COL10A1: variants seen among roughly 807,000 people sequenced by gnomAD.
The protein encoded by COL10A1 is collagen alpha-1(X) chain.
COL10A1 carries 10 observed loss-of-function variants against 18.2 expected under a neutral mutation model. That is an observed-to-expected ratio of 0.55 (90% CI 0.34 to 0.93). The LOEUF (loss-of-function observed/expected upper bound fraction) is 0.93, where lower values mean the gene tolerates loss of function less well. Ranked by LOEUF, COL10A1 falls within the 40% of genes least tolerant of loss-of-function variation. The pLI, the probability that COL10A1 is intolerant of heterozygous loss-of-function variation, is 0.02. For synonymous variants in COL10A1, 330 were observed against 316.6 expected (o/e 1.04, Z -0.45); for missense variants, 897 against 853.5 (o/e 1.05, Z -0.64).
the COL10A1 span, among the ~76,000 whole-genome samples, chr6:116,173,443 C>T: frequency 6.6e-6 from 1 of 152,146 alleles, no homozygotes; most frequent in African/African-American, 2.4e-5. Context: ...GAACAGAATC[C>T]TCCAATGGTG....
intron 1 of COL10A1, among the ~76,000 whole-genome samples, chr6:116,156,360 ATTAG>A (rs923460773): frequency 4.6e-5 from 7 of 152,248 alleles, no homozygotes; most frequent in East Asian, 1.9e-4. Flanking sequence ...TGTTTCGTTT[ATTAG>A]TTAGTTTGCT....
intron 2 of COL10A1, among the ~76,000 whole-genome samples, chr6:116,122,987 T>C (rs1373581350): frequency 6.6e-6 from 1 of 152,204 alleles, no homozygotes. Context: ...GTAGTGTACA[T>C]ACATGATTAT....
Position 116,119,734 on chromosome 6 carries a change from C to A in COL10A1, c.*339G>T. The A allele has an allele frequency of 4.5e-6, 1 of 224,568 alleles. No homozygotes were observed. 13.9% of individuals were successfully genotyped at this position (224,568 alleles called of 1,614,324 possible). A position where few individuals can be genotyped will look rare whatever the true frequency, so the allele number is the denominator to read the frequency against. The stretch of plus-strand genomic sequence containing the variant: ...AAATCAAATTTCACATAACTTAGAG[C>A]TCTATTTCTGTTTTTTTTTTTAATT... On this transcript the variant is annotated 3_prime_UTR_variant, in exon 3 of 3. Transcript: ENST00000651968.
At chr6:116,153,744 G>C (rs1044278415) in intron 1 of COL10A1, among the ~76,000 whole-genome samples, 2 of 152,080 alleles carry the variant, frequency 1.3e-5, no homozygotes, top group Non-Finnish European at 2.9e-5. Context: ...TACTGGTTTA[G>C]TCATATTCAT....
intron 1 of COL10A1, among the ~76,000 whole-genome samples, chr6:116,145,885 T>C (rs1779886406): frequency 6.6e-6 from 1 of 152,242 alleles, no homozygotes; most frequent in Admixed American, 6.5e-5. Context: ...ATTTATGTGA[T>C]GGTATTTGAG....
intron 1 of COL10A1, among the ~76,000 whole-genome samples, chr6:116,157,080 C>G (rs567024489): frequency 2.6e-4 from 39 of 152,218 alleles, no homozygotes; most frequent in African/African-American, 8.7e-4. Flanking sequence ...GGGAGGAGAC[C>G]AGGTCTTGGG....
At chr6:116,168,381 C>G in the COL10A1 span, among the ~76,000 whole-genome samples, 3 of 151,928 alleles carry the variant, frequency 2.0e-5, no homozygotes, top group Non-Finnish European at 4.4e-5. Flanking sequence ...GCTTATAAAC[C>G]TATCCATTGA....
At chr6:116,141,568 AT>A (rs1357499350) in intron 1 of COL10A1, among the ~76,000 whole-genome samples, 8 of 151,822 alleles carry the variant, frequency 5.3e-5, no homozygotes, top group African/African-American at 1.2e-4. Context: ...TGTTTCATTA[AT>A]TTTTTTTGAT....
chr6:116,208,909 T>C, the COL10A1 span, among the ~76,000 whole-genome samples: 1 of 151,956 alleles, frequency 6.6e-6, no homozygotes, highest in Admixed American at 6.6e-5. Context: ...CAGAGAGTAA[T>C]TGAAGGGCAG....
upstream of COL10A1, among the ~76,000 whole-genome samples, chr6:116,161,564 T>A (rs1780330612): frequency 6.6e-6 from 1 of 152,172 alleles, no homozygotes; most frequent in African/African-American, 2.4e-5. Flanking sequence ...TTCTGGGTTC[T>A]CTATTCTGCT....
intron 1 of COL10A1, among the ~76,000 whole-genome samples, chr6:116,143,495 AG>A (rs1232707269): frequency 6.6e-6 from 1 of 152,122 alleles, no homozygotes; most frequent in African/African-American, 2.4e-5. Context: ...TACAGGCTTG[AG>A]CCACTGTGCC....
intron 1 of COL10A1, among the ~76,000 whole-genome samples, chr6:116,157,191 A>G (rs1780217386): frequency 6.6e-6 from 1 of 152,050 alleles, no homozygotes; most frequent in African/African-American, 2.4e-5. Context: ...TTTTCCCTCT[A>G]CCTCATGTTT....
At chr6:116,167,916 G>A in the COL10A1 span, among the ~76,000 whole-genome samples, 1 of 151,972 alleles carries the variant, frequency 6.6e-6, no homozygotes, top group Admixed American at 6.6e-5. Context: ...TTTTAATGGA[G>A]GTCTAGGTTA....
the COL10A1 span, among the ~76,000 whole-genome samples, chr6:116,195,612 CAT>C: frequency 2.6e-5 from 4 of 151,944 alleles, no homozygotes; most frequent in African/African-American, 9.7e-5. Flanking sequence ...CTCAAATGTA[CAT>C]AATCAGGGGT....
chr6:116,190,741 A>T, the COL10A1 span, among the ~76,000 whole-genome samples: 3 of 152,008 alleles, frequency 2.0e-5, no homozygotes, highest in Non-Finnish European at 4.4e-5. Context: ...CTGAACTGTG[A>T]GAGTCATGTG....
chr6:116,158,312 A>G (rs906355193), intron 1 of COL10A1, among the ~76,000 whole-genome samples: 1 of 152,090 alleles, frequency 6.6e-6, no homozygotes, highest in East Asian at 1.9e-4. Flanking sequence ...CTGTGCATCT[A>G]CATGGATGCT....
the COL10A1 span, among the ~76,000 whole-genome samples, chr6:116,208,575 A>G: frequency 1.3e-5 from 2 of 152,012 alleles, no homozygotes; most frequent in South Asian, 2.1e-4. Flanking sequence ...TCAAGCTACA[A>G]GCTCTTTAGT....
Position 116,121,421 on chromosome 6 carries a change from C to G in COL10A1, c.695G>C (p.Gly232Ala). The stretch of plus-strand genomic sequence containing the variant: ...CGGAAAACCTCTATCACCTTTGATG[C>G]CTGGCTGTCCTGGAACCCCATTTTC... ...RGENGVPGQP[G>A]IKGDRGFPGE... Residue 232 changes from glycine (G) to alanine (A), a missense_variant, in exon 3 of 3, where the codon GGC becomes GCC. Physicochemically the swap from Gly to Ala is moderately conservative, Grantham distance 60. Transcript: ENST00000651968. The G allele has an allele frequency of 1.2e-6, 2 of 1,614,148 alleles. No individual in the cohort carries two copies. Among genetic ancestry groups the G allele is most frequent in the Non-Finnish European group, 1.7e-6 (2 of 1,180,018 alleles).
At chr6:116,124,192 T>C (rs890839106) in intron 2 of COL10A1, among the ~76,000 whole-genome samples, 1 of 152,172 alleles carries the variant, frequency 6.6e-6, no homozygotes, top group Non-Finnish European at 1.5e-5. Flanking sequence ...AAGACAATTC[T>C]ATAAGTTTCA....
Sources: gnomAD v4.1 joint callset for allele counts (sites outside exome capture counted in the v4.1 genomes callset) on GRCh38, gnomAD v4.1.1 for gene constraint, MANE v1.5 for transcripts, NCBI Gene and HGNC (gene_info 2026-07-23, HGNC 2026-07-21) for gene names.